Variants in SLC9A1 observed in about 807,000 individuals in gnomAD.
SLC9A1 encodes the protein solute carrier family 9 member A1, also known as sodium/hydrogen exchanger 1.
A neutral mutation model predicts 67.9 loss-of-function variants in SLC9A1; 22 were observed. The ratio of observed to expected loss-of-function variants is 0.32; its 90% CI spans 0.23 to 0.46. The LOEUF is 0.46. Among genes scored for constraint, SLC9A1 ranks in the 20% least tolerant of loss-of-function variants. SLC9A1 has a pLI of 1.00. For synonymous variants in SLC9A1, 421 were observed against 471.8 expected (o/e 0.89, Z 1.40); for missense variants, 686 against 1,094.8 (o/e 0.63, Z 5.27).
Position 27,105,399 on chromosome 1 carries a change from A to G in SLC9A1, c.1485+486T>C, listed in dbSNP as rs928184091. 4 of 330,540 alleles carry G rather than the reference A, an allele frequency of 1.2e-5. No homozygotes were observed. In the Admixed American group the frequency reaches 1.2e-4, roughly 10 times the overall value. The allele number at this position is 330,540 out of a possible 1,614,324, so 20.5% of individuals were successfully genotyped here. ...ACTGCAACCTCCACCTCCTGGGTTC[A>G]AGTGATTCTCCTGCCTCAGCCTCCC... On this transcript the variant is annotated intron_variant, in intron 5 of 11. Coordinates refer to ENST00000263980, the MANE Select transcript of SLC9A1 (RefSeq NM_003047.5).
chr1:27,131,947 A>AAAAAAATATATATATATATATATAT, intron 1 of SLC9A1, among the ~76,000 whole-genome samples: 1 of 52,118 alleles, frequency 1.9e-5, no homozygotes, highest in African/African-American at 6.3e-5. Flanking sequence ...AGAAAAAAAA[A>AAAAAAATATATATATATATATATAT]ATATATATAT....
chr1:27,105,926 T>C lies in SLC9A1; in HGVS notation c.1444A>G (p.Thr482Ala). The C allele has an allele frequency of 6.2e-7, 1 of 1,613,628 alleles. No homozygotes were observed. The highest frequency in any genetic ancestry group is 8.5e-7 in the Non-Finnish European group (1 of 1,180,016). Residue 482 changes from threonine (T) to alanine (A), a missense_variant, in exon 5 of 12, where the codon ACT (threonine) becomes GCT (alanine). Transcript: ENST00000263980. ...KHFPMCDLFLTAIITVIFFTV... is the reference protein window; with the variant it reads ...KHFPMCDLFLAAIITVIFFTV... ...AAGAAGATGACAGTGATGATGGCAG[T>C]GAGGAACAGGTCACACATGGGGAAG...
intron 2 of SLC9A1, among the ~76,000 whole-genome samples, chr1:27,111,685 C>T (rs1251684500): frequency 6.6e-6 from 1 of 152,110 alleles, no homozygotes; most frequent in Non-Finnish European, 1.5e-5. Context: ...TGGCCAGCAC[C>T]TGCAGTCCCA....
Position 27,102,086 on chromosome 1 carries a change from G to A in SLC9A1, c.1865C>T (p.Ala622Val), listed in dbSNP as rs1225530622. Reference sequence around the variant, plus strand: ...CTCCTCCTCCTTGTCCTTGGACAGTGCTGGCAGGATGCGCTCGGAAGGCAG... The same window carrying A: ...CTCCTCCTCCTTGTCCTTGGACAGTACTGGCAGGATGCGCTCGGAAGGCAG... ...KSLPSERILP[A>V]LSKDKEEEIR... Residue 622 changes from alanine (A) to valine (V), a missense_variant, in exon 9 of 12, where the codon GCA (alanine) becomes GTA (valine). Ala to Val is a moderately conservative substitution (Grantham distance 64). Coordinates refer to ENST00000263980, the MANE Select transcript of SLC9A1 (RefSeq NM_003047.5). 6.2e-7 allele frequency: 1 copy of A among 1,614,082 alleles called. No homozygotes were observed. The highest frequency in any genetic ancestry group is 8.5e-7 in the Non-Finnish European group (1 of 1,179,980).
chr1:27,118,334 C>T lies in SLC9A1; in HGVS notation c.353-4048G>A, dbSNP rs1212139668. Among the ~76,000 whole-genome samples the T allele has an allele frequency of 6.6e-6, 1 of 152,180 alleles. No individual in the cohort carries two copies. Among genetic ancestry groups the T allele is most frequent in the Non-Finnish European group, 1.5e-5 (1 of 68,020 alleles). On this transcript the variant is annotated intron_variant, in intron 1 of 11. Transcript: ENST00000263980. This position sits in a 1 kb window ranked among gnomAD's most constrained non-coding sequence, Gnocchi z 4.3. ...GTAGGTGGCACATTATTGGAAAGCACTTCTAGGGCTGGGGGAGGAAGGGAT... is the reference window on the plus strand; with the variant it reads ...GTAGGTGGCACATTATTGGAAAGCATTTCTAGGGCTGGGGGAGGAAGGGAT...
At chr1:27,126,190 G>C (rs1469549807) in intron 1 of SLC9A1, among the ~76,000 whole-genome samples, 1 of 152,014 alleles carries the variant, frequency 6.6e-6, no homozygotes, top group Non-Finnish European at 1.5e-5. Context: ...GCTTACCCTT[G>C]CCACTTCCTG....
chr1:27,099,111 C>T lies in SLC9A1; in HGVS notation c.*1196G>A, dbSNP rs1023919811. ...GGTCTCTGGGGGCCCAGGATTCTGCCCAATCCACCAGCCCCAGGGGACAGG... is the reference window on the plus strand; with the variant it reads ...GGTCTCTGGGGGCCCAGGATTCTGCTCAATCCACCAGCCCCAGGGGACAGG... On this transcript the variant is annotated 3_prime_UTR_variant, in exon 12 of 12. Transcript: ENST00000263980. 1 of 152,714 alleles carries T rather than the reference C, an allele frequency of 6.5e-6. No homozygotes were observed. The highest frequency in any genetic ancestry group is 1.9e-4 in the East Asian group (1 of 5,192). 9.5% of individuals were successfully genotyped at this position (152,714 alleles called of 1,614,324 possible). A position where few individuals can be genotyped will look rare whatever the true frequency, so the allele number is the denominator to read the frequency against.
chr1:27,126,469 G>C (rs996970162), intron 1 of SLC9A1, among the ~76,000 whole-genome samples: 8 of 152,200 alleles, frequency 5.3e-5, no homozygotes, highest in African/African-American at 1.9e-4. Flanking sequence ...CCCTTGGAGA[G>C]CCACTCTTCC....
intron 1 of SLC9A1, among the ~76,000 whole-genome samples, chr1:27,142,228 C>A (rs1348900951): frequency 2.0e-5 from 3 of 152,194 alleles, no homozygotes; most frequent in African/African-American, 7.2e-5. Context: ...TGCCTAGGGA[C>A]TCCTGAGTTA....
chr1:27,107,766 G>T lies in SLC9A1; in HGVS notation c.1164C>A (p.Ser388Arg). The change falls in exon 4 of 12, where the codon AGC becomes AGA. Residue 388 changes from serine (S) to arginine (R), a missense_variant. Coordinates refer to ENST00000263980, the MANE Select transcript of SLC9A1 (RefSeq NM_003047.5). ...TIKYFLKMWS[S>R]VSETLIFIFL... is the part of the protein sequence containing the mutation. ...AGATGAAGATGAGGGTCTCGCTGACGCTGCTCCACATCTTCAGGAAGTATT... is the reference window on the plus strand; with the variant it reads ...AGATGAAGATGAGGGTCTCGCTGACTCTGCTCCACATCTTCAGGAAGTATT... The T allele has an allele frequency of 6.2e-7, 1 of 1,604,270 alleles. No homozygotes were observed. Among genetic ancestry groups the T allele is most frequent in the Non-Finnish European group, 8.5e-7 (1 of 1,176,018 alleles).
At chr1:27,150,754 A>T (rs2083521041) in intron 1 of SLC9A1, among the ~76,000 whole-genome samples, 1 of 152,124 alleles carries the variant, frequency 6.6e-6, no homozygotes, top group Admixed American at 6.5e-5. Context: ...CTATTCTAGA[A>T]CTTCAGCTCC....
rs5810 is a variant in SLC9A1, at chr1:27,099,728, A to C, written c.*579T>G. 6.6e-6 allele frequency: 1 copy of C among 152,340 alleles called. No homozygotes were observed. Among genetic ancestry groups the C allele is most frequent in the Non-Finnish European group, 1.5e-5 (1 of 68,144 alleles). The allele number at this position is 152,340 out of a possible 1,614,324, so 9.4% of individuals were successfully genotyped here. A position where few individuals can be genotyped will look rare whatever the true frequency, so the allele number is the denominator to read the frequency against. Reference sequence around the variant, plus strand: ...AACCACCCCTGCTCCAGGCAGAGACACTCAGAGATGCCCTCAGCCCGCAGC... The same window carrying C: ...AACCACCCCTGCTCCAGGCAGAGACCCTCAGAGATGCCCTCAGCCCGCAGC... On this transcript the variant is annotated 3_prime_UTR_variant, in exon 12 of 12. Transcript: ENST00000263980.
At chr1:27,115,630 T>C (rs1033608957) in intron 1 of SLC9A1, among the ~76,000 whole-genome samples, 2 of 151,468 alleles carry the variant, frequency 1.3e-5, no homozygotes, top group South Asian at 2.1e-4. Flanking sequence ...TTGTACAACA[T>C]AGGAGACCTC....
At position 27,131,745 on chromosome 1, in the gene SLC9A1, C is replaced by CAAA. The variant is rs34967146; in HGVS notation, c.353-17462_353-17460dup. Among the ~76,000 whole-genome samples the CAAA allele has an allele frequency of 7.8e-4, 76 of 97,762 alleles. 1 individual carries two copies. Among genetic ancestry groups the CAAA allele is most frequent in the African/African-American group, 9.6e-4 (24 of 24,896 alleles). 64.1% of individuals were successfully genotyped at this position (97,762 alleles called of 152,430 possible). On this transcript the variant is annotated intron_variant, in intron 1 of 11. Transcript: ENST00000263980. Reference sequence around the variant, plus strand: ...CTGGCAACAGAATGAGACTCTGTCTCAAAAAAAAAAAAAAAAAATTATCCA... The same window carrying CAAA: ...CTGGCAACAGAATGAGACTCTGTCTCAAAAAAAAAAAAAAAAAAAAATTATCCA...
intron 1 of SLC9A1, among the ~76,000 whole-genome samples, chr1:27,117,903 G>C (rs2083282111): frequency 6.6e-6 from 1 of 152,230 alleles, no homozygotes. Context: ...ACATTGAGGT[G>C]ACTCAGACTC....
rs947958469 is a variant in SLC9A1 at position 27,135,405 on chromosome 1, T to C, written c.352+18578A>G. Among the ~76,000 whole-genome samples, 5 of 151,842 alleles carry C rather than the reference T, an allele frequency of 3.3e-5. 1 individual carries two copies. The East Asian group carries it at 9.7e-4, about 29-fold the overall frequency. ...CACCACTGTAGAGAAAAGCCCAGGATGAACTATTCAGAGTGCTCGGCCCGA... is the reference window on the plus strand; with the variant it reads ...CACCACTGTAGAGAAAAGCCCAGGACGAACTATTCAGAGTGCTCGGCCCGA... On this transcript the variant is annotated intron_variant, in intron 1 of 11. Transcript: ENST00000263980.
chr1:27,104,116 C>G (rs969702467), intron 5 of SLC9A1: 1 of 134,486 alleles, frequency 7.4e-6, no homozygotes, highest in Admixed American at 8.6e-5. Flanking sequence ...GAGTCTTGCT[C>G]TGTCACCCAG....
chr1:27,106,873 T>C lies in SLC9A1; in HGVS notation c.1282+775A>G, dbSNP rs1377824654. On this transcript the variant is annotated intron_variant, in intron 4 of 11. Transcript: ENST00000263980. The surrounding 1 kb of genome is among the most constrained non-coding windows in gnomAD (Gnocchi z 4.3). ...GGTTCTGTGGGCCTCAGGCCCCTCA[T>C]CAGGACAGCCACAGCCACAGGCTCA... Among the ~76,000 whole-genome samples the C allele has an allele frequency of 1.3e-5, 2 of 151,890 alleles. No homozygotes were observed. The highest frequency in any genetic ancestry group is 4.8e-5 in the African/African-American group (2 of 41,300).
At chr1:27,110,993 G>A (rs958799207) in intron 2 of SLC9A1, among the ~76,000 whole-genome samples, 2 of 152,230 alleles carry the variant, frequency 1.3e-5, no homozygotes, top group African/African-American at 4.8e-5. Context: ...CTGAGACCAG[G>A]CAGCTCAGGG....
Sources: allele counts gnomAD v4.1 joint callset (sites outside exome capture counted in the v4.1 genomes callset), GRCh38; gene constraint gnomAD v4.1.1; non-coding constraint Gnocchi (gnomAD v3.1); transcripts MANE v1.5; gene names NCBI Gene and HGNC (gene_info 2026-07-23, HGNC 2026-07-21).